The following EXOC4 variants were observed in gnomAD, a reference collection of about 807,000 sequenced individuals.
EXOC4 encodes the protein exocyst complex component 4, also known as SEC8-like 1.
In EXOC4, 71 loss-of-function variants were observed where a neutral mutation model predicts 107.2. The ratio of observed to expected loss-of-function variants is 0.66; its 90% CI spans 0.55 to 0.81. The LOEUF (loss-of-function observed/expected upper bound fraction) is 0.81. EXOC4 is among the 30% of genes least tolerant of loss of function. The pLI, the probability that EXOC4 is intolerant of heterozygous loss-of-function variation, is 0.00. For missense variants in EXOC4, 1,108 were observed against 1,189.6 expected (o/e 0.93, Z 1.01); for synonymous variants, 456 against 441.2 (o/e 1.03, Z -0.42).
At chr7:133,838,792 T>C (rs968704034) in intron 11 of EXOC4, among the ~76,000 whole-genome samples, 1 of 152,214 alleles carries the variant, frequency 6.6e-6, no homozygotes. Context: ...CTCTGTTTGA[T>C]TGTGCCATCG....
At chr7:133,302,113 A>G (rs1403896429) in intron 3 of EXOC4, among the ~76,000 whole-genome samples, 1 of 152,154 alleles carries the variant, frequency 6.6e-6, no homozygotes, top group Non-Finnish European at 1.5e-5. Flanking sequence ...GATTATATAC[A>G]TTTTAACTGT....
At chr7:133,383,914 G>A (rs2150705287) in intron 7 of EXOC4, among the ~76,000 whole-genome samples, 1 of 152,224 alleles carries the variant, frequency 6.6e-6, no homozygotes, top group East Asian at 1.9e-4. Flanking sequence ...CTCCTAGAAT[G>A]TTTCTTCTGT....
chr7:133,255,833 T>C (rs1001128896), intron 1 of EXOC4, among the ~76,000 whole-genome samples: 1 of 152,106 alleles, frequency 6.6e-6, no homozygotes, highest in Non-Finnish European at 1.5e-5. Context: ...GGATGGGGAA[T>C]GGGGGGAGAG....
Position 133,347,718 on chromosome 7 carries a change from A to C in EXOC4, c.764-8612A>C, listed in dbSNP as rs1309648571. 6.6e-5 allele frequency among the ~76,000 whole-genome samples: 10 copies of C among 152,172 alleles called. No homozygotes were observed. The East Asian group carries it at 1.9e-3, about 29-fold the overall frequency. ...GCCATTTAGACATACATACCAATATATCCATATCTATACATACAATGTGTG... is the reference window on the plus strand; with the variant it reads ...GCCATTTAGACATACATACCAATATCTCCATATCTATACATACAATGTGTG... On this transcript the variant is annotated intron_variant, in intron 5 of 17. Transcript: ENST00000253861.
intron 9 of EXOC4, among the ~76,000 whole-genome samples, chr7:133,597,216 C>T (rs1035483610): frequency 5.3e-5 from 8 of 152,118 alleles, no homozygotes; most frequent in Non-Finnish European, 1.0e-4. Context: ...TTCTTACTTA[C>T]AAGTCAGGTG....
At chr7:133,711,500 A>C (rs1187107385) in intron 10 of EXOC4, among the ~76,000 whole-genome samples, 1 of 152,196 alleles carries the variant, frequency 6.6e-6, no homozygotes, top group Non-Finnish European at 1.5e-5. Flanking sequence ...GTTTTTAGGG[A>C]AAATAGACTC....
intron 10 of EXOC4, among the ~76,000 whole-genome samples, chr7:133,809,298 G>T (rs1022306246): frequency 6.6e-6 from 1 of 152,160 alleles, no homozygotes; most frequent in Non-Finnish European, 1.5e-5. Context: ...TACACAATCT[G>T]TGTCATATAA....
chr7:133,858,468 G>C (rs550242994), intron 11 of EXOC4, among the ~76,000 whole-genome samples: 1 of 152,124 alleles, frequency 6.6e-6, no homozygotes, highest in African/African-American at 2.4e-5. Context: ...AAGGCATTAA[G>C]GAAGTTCTCA....
chr7:133,614,474 A>G (rs573903379), intron 9 of EXOC4, among the ~76,000 whole-genome samples: 1 of 152,174 alleles, frequency 6.6e-6, no homozygotes, highest in African/African-American at 2.4e-5. Context: ...TTCAACACTG[A>G]AGGAGAAATA....
At chr7:133,586,163 T>A (rs1264732152) in intron 9 of EXOC4, among the ~76,000 whole-genome samples, 2 of 152,154 alleles carry the variant, frequency 1.3e-5, no homozygotes, top group African/African-American at 4.8e-5. Flanking sequence ...GGGTGTTTCA[T>A]GTGCAGATTA....
chr7:133,274,907 A>G, intron 1 of EXOC4, 75 bp from the exon 2 acceptor site: 1 of 1,209,738 alleles, frequency 8.3e-7, no homozygotes, highest in Non-Finnish European at 1.1e-6. Context: ...TTTGCATTTT[A>G]CTTTCTGCTT....
chr7:133,336,771 G>A (rs564342342), intron 5 of EXOC4, among the ~76,000 whole-genome samples: 2 of 148,168 alleles, frequency 1.3e-5, no homozygotes, highest in East Asian at 3.9e-4. Context: ...GTCTTGCTCT[G>A]TCGCCAGGCT....
chr7:133,792,108 C>T (rs781311971), intron 10 of EXOC4, among the ~76,000 whole-genome samples: 7 of 152,060 alleles, frequency 4.6e-5, no homozygotes, highest in Admixed American at 2.0e-4. Context: ...CTCGTGGCAT[C>T]GGGCAGTTCA....
At chr7:133,508,599 C>G (rs534214392) in intron 9 of EXOC4, among the ~76,000 whole-genome samples, 226 of 152,302 alleles carry the variant, frequency 1.5e-3, no homozygotes, top group African/African-American at 5.1e-3. Context: ...TACACCTTTT[C>G]CCTTGGACCT....
chr7:133,933,452 T>A (rs1800226821), intron 13 of EXOC4, among the ~76,000 whole-genome samples: 1 of 152,154 alleles, frequency 6.6e-6, no homozygotes, highest in Admixed American at 6.5e-5. Context: ...TGTCAGATCA[T>A]CTTTGAGCAA....
intron 9 of EXOC4, among the ~76,000 whole-genome samples, chr7:133,521,855 G>A (rs1317485445): frequency 2.0e-5 from 3 of 152,056 alleles, no homozygotes; most frequent in Non-Finnish European, 4.4e-5. Context: ...TGCTGACCTC[G>A]TGATCCGCCT....
At chr7:133,257,154 T>C (rs1795036862) in intron 1 of EXOC4, among the ~76,000 whole-genome samples, 1 of 152,216 alleles carries the variant, frequency 6.6e-6, no homozygotes, top group South Asian at 2.1e-4. Flanking sequence ...CAGATAGTGG[T>C]TGGGATTCAG....
intron 5 of EXOC4, among the ~76,000 whole-genome samples, chr7:133,353,026 A>C (rs1238452459): frequency 6.6e-6 from 1 of 152,136 alleles, no homozygotes; most frequent in Non-Finnish European, 1.5e-5. Context: ...TTTTAAATGC[A>C]TTAGCCTCTT....
chr7:133,426,508 T>C (rs1224384780), intron 7 of EXOC4, among the ~76,000 whole-genome samples: 1 of 152,270 alleles, frequency 6.6e-6, no homozygotes, highest in Non-Finnish European at 1.5e-5. Context: ...TGGATGTTTA[T>C]GGCAAATTTA....
Sources: allele counts gnomAD v4.1 joint callset (sites outside exome capture counted in the v4.1 genomes callset), GRCh38; gene constraint gnomAD v4.1.1; transcripts MANE v1.5; gene names NCBI Gene and HGNC (gene_info 2026-07-23, HGNC 2026-07-21).